CHORDC1: variants seen among roughly 807,000 people sequenced by gnomAD.
CHORDC1 encodes the protein cysteine and histidine-rich domain-containing protein 1.
Under a neutral mutation model 48.3 loss-of-function variants are expected in CHORDC1, and 25 were observed. The observed-to-expected ratio is 0.52, with a 90% CI of 0.38 to 0.72. The LOEUF is 0.72. Among genes scored for constraint, CHORDC1 ranks in the 30% least tolerant of loss-of-function variants. CHORDC1 has a pLI of 0.00. For synonymous variants in CHORDC1, 128 were observed against 126.4 expected, an observed-to-expected ratio of 1.01 and a Z score of -0.09; for missense variants, 317 against 388.7, an observed-to-expected ratio of 0.82 and a Z score of 1.55.
At position 90,202,223 on chromosome 11, in the gene CHORDC1, C is replaced by G. The variant is rs769959005; in HGVS notation, c.*182G>C. 2 of 597,306 alleles carry G rather than the reference C, an allele frequency of 3.3e-6. No homozygotes were observed. Among genetic ancestry groups the G allele is most frequent in the Non-Finnish European group, 5.9e-6 (2 of 338,094 alleles). The allele number at this position is 597,306 out of a possible 1,614,324, so 37.0% of individuals were successfully genotyped here. A position where few individuals can be genotyped will look rare whatever the true frequency, so the allele number is the denominator to read the frequency against. On this transcript the variant is annotated 3_prime_UTR_variant, in exon 11 of 11. Transcript: ENST00000320585. ...AATGAATAATCAATCTTACATAACA[C>G]AAAAGAAAGATGAGAGGCACAAAAA...
chr11:90,202,726 C>G (rs1857572771), intron 10 of CHORDC1, 87 bp downstream of exon 10: 5 of 1,446,490 alleles, frequency 3.5e-6, no homozygotes, highest in Non-Finnish European at 4.7e-6. Context: ...CTATACTTTG[C>G]ATCAATGTTT....
chr11:90,210,935 A>G, intron 5 of CHORDC1: 1 of 305,834 alleles, frequency 3.3e-6, no homozygotes, highest in South Asian at 7.2e-5. Context: ...AAAACATTTT[A>G]AAATATCAAA....
chr11:90,218,302 A>T, intron 1 of CHORDC1, 118 bp from the exon 2 acceptor site: 2 of 653,192 alleles, frequency 3.1e-6, no homozygotes, highest in Non-Finnish European at 5.1e-6. Context: ...AAGTACCTTA[A>T]AAAGGTACAA....
chr11:90,222,692 G>C (rs1264566506), intron 1 of CHORDC1, 199 bp downstream of exon 1: 14 of 701,600 alleles, frequency 2.0e-5, no homozygotes, highest in Admixed American at 8.1e-5. Flanking sequence ...CGCCGGGGCC[G>C]GGCGCTCGCC....
At chr11:90,217,967 CT>C in intron 2 of CHORDC1, 167 bp downstream of exon 2, 1 of 406,920 alleles carries the variant, frequency 2.5e-6, no homozygotes, top group Non-Finnish European at 4.5e-6. Context: ...TCATCATCTA[CT>C]GTCTTTTCTT....
Position 90,223,037 on chromosome 11 carries a change from C to A in CHORDC1, c.-83G>T. 2 of 1,239,084 alleles carry A rather than the reference C, an allele frequency of 1.6e-6. 1 individual carries two copies. The highest frequency in any genetic ancestry group is 2.3e-6 in the Non-Finnish European group (2 of 856,160). 76.8% of individuals were successfully genotyped at this position (1,239,084 alleles called of 1,614,324 possible). On this transcript the variant is annotated 5_prime_UTR_variant, in exon 1 of 11. Coordinates refer to ENST00000320585, the MANE Select transcript of CHORDC1 (RefSeq NM_012124.3). ...TTTGCCACTCCCGTGTCGCTAGCACCGGTCTGACGACTGAGGCGGCTACCG... is the reference window on the plus strand; with the variant it reads ...TTTGCCACTCCCGTGTCGCTAGCACAGGTCTGACGACTGAGGCGGCTACCG...
At chr11:90,205,275 T>C (rs1857648410) in intron 8 of CHORDC1, among the ~76,000 whole-genome samples, 185 bp downstream of exon 8, 1 of 152,188 alleles carries the variant, frequency 6.6e-6, no homozygotes, top group South Asian at 2.1e-4. Context: ...AATGGCTATT[T>C]TGCTCAAAAG....
chr11:90,208,489 T>C (rs1349933146), intron 6 of CHORDC1: 1 of 152,092 alleles, frequency 6.6e-6, no homozygotes. Context: ...AAGGACAATA[T>C]AAAGTAGAAA....
rs757784665 is a variant in CHORDC1, at chr11:90,222,935, T to C, written c.20A>G (p.Asn7Ser). Residue 7 changes from asparagine to serine, a missense_variant, in exon 1 of 11, where the codon AAC becomes AGC. Asn to Ser is a conservative substitution (Grantham distance 46, BLOSUM62 1). Transcript: ENST00000320585. Reference sequence around the variant, plus strand: ...ATCGAAGCGCTGACCGCAGCCCCGGTTGTAGCACAGCAAGGCCATTTTCTT... The same window carrying C: ...ATCGAAGCGCTGACCGCAGCCCCGGCTGTAGCACAGCAAGGCCATTTTCTT... MALLCY[N>S]RGCGQRFDPE... 11 of 1,614,082 alleles carry C rather than the reference T, an allele frequency of 6.8e-6. No individual in the cohort carries two copies. The highest frequency in any genetic ancestry group is 9.3e-6 in the Non-Finnish European group (11 of 1,179,962).
intron 1 of CHORDC1, 106 bp from the exon 2 acceptor site, chr11:90,218,290 G>C (rs931886312): frequency 1.9e-4 from 141 of 737,668 alleles, no homozygotes; most frequent in Admixed American, 4.4e-4. Context: ...TTTTCCAAAC[G>C]CAAGTACCTT....
In CHORDC1 at chr11:90,202,447, T is replaced by A. The variant is rs763934527; in HGVS notation, c.957A>T (p.Ala319=). ...PMQWASLELP[A]AKKQEKQKDA... is the part of the protein sequence containing the mutation. ...CTTTTTGTTTTTCCTGCTTTTTAGC[T>A]GCAGGCAGTTCAAGGCTTGCCCACT... The change falls in exon 11 of 11, where the codon GCA becomes GCT. Residue 319 remains alanine, a synonymous_variant. Transcript: ENST00000320585. The A allele has an allele frequency of 3.8e-5, 62 of 1,611,918 alleles. No individual in the cohort carries two copies. The highest frequency in any genetic ancestry group is 5.2e-5 in the Non-Finnish European group (61 of 1,179,644).
rs967355494 is a variant in CHORDC1 at position 90,201,389 on chromosome 11, T to C, written c.*1016A>G. 1 of 151,884 alleles carries C rather than the reference T, an allele frequency of 6.6e-6. No individual in the cohort carries two copies. Among genetic ancestry groups the C allele is most frequent in the African/African-American group, 2.4e-5 (1 of 41,406 alleles). The allele number at this position is 151,884 out of a possible 1,614,324, so 9.4% of individuals were successfully genotyped here. A position where few individuals can be genotyped will look rare whatever the true frequency, so the allele number is the denominator to read the frequency against. On this transcript the variant is annotated 3_prime_UTR_variant, in exon 11 of 11. Transcript: ENST00000320585. ...TATATTTAATATAAAGTACAATATATAGTCAACATTGTATCACTAGAATTG... is the reference window on the plus strand; with the variant it reads ...TATATTTAATATAAAGTACAATATACAGTCAACATTGTATCACTAGAATTG...
At chr11:90,206,591 A>G (rs376357223) in intron 6 of CHORDC1, 8 of 359,320 alleles carry the variant, frequency 2.2e-5, no homozygotes, top group African/African-American at 1.3e-4. Flanking sequence ...CAAGGGATTA[A>G]TACTCTCAAT....
At chr11:90,208,826 A>C (rs1252072400) in intron 6 of CHORDC1, 2 of 152,184 alleles carry the variant, frequency 1.3e-5, no homozygotes, top group African/African-American at 4.8e-5. Flanking sequence ...TATTTCAATG[A>C]AAAAGACTAA....
chr11:90,223,042 T>C lies in CHORDC1; in HGVS notation c.-88A>G. 8.5e-7 allele frequency: 1 copy of C among 1,171,664 alleles called. No homozygotes were observed. The allele number at this position is 1,171,664 out of a possible 1,614,324, so 72.6% of individuals were successfully genotyped here. On this transcript the variant is annotated 5_prime_UTR_variant, in exon 1 of 11. Coordinates refer to ENST00000320585, the MANE Select transcript of CHORDC1 (RefSeq NM_012124.3). ...CACTCCCGTGTCGCTAGCACCGGTC[T>C]GACGACTGAGGCGGCTACCGGCTTC... is the stretch of plus-strand genomic sequence containing the variant.
At chr11:90,222,537 T>G (rs1024713666) in intron 1 of CHORDC1, 2 of 482,930 alleles carry the variant, frequency 4.1e-6, no homozygotes, top group African/African-American at 4.0e-5. Context: ...ACCTCGTTAA[T>G]TTTTGCTTCC....
chr11:90,201,157 T>TA lies in CHORDC1; in HGVS notation c.*1247dup. ...TAGTACTTCTGCAAATTTTTCTTTG[T>TA]AAGAATTCCATAAATACCAAGGAAA... On this transcript the variant is annotated 3_prime_UTR_variant, in exon 11 of 11. Transcript: ENST00000320585. The TA allele has an allele frequency of 6.6e-6, 1 of 151,992 alleles. No homozygotes were observed. Among genetic ancestry groups the TA allele is most frequent in the Non-Finnish European group, 1.5e-5 (1 of 67,868 alleles). 9.4% of individuals were successfully genotyped at this position (151,992 alleles called of 1,614,324 possible). A position where few individuals can be genotyped will look rare whatever the true frequency, so the allele number is the denominator to read the frequency against.
chr11:90,214,141 G>A lies in CHORDC1; in HGVS notation c.206C>T (p.Pro69Leu), dbSNP rs1332289849. The change falls in exon 4 of 11, where the codon CCA (proline) becomes CTA (leucine). Residue 69 changes from proline (P) to leucine (L), a missense_variant. Transcript: ENST00000320585. ...CTKGRHNSEK[P>L]PEPVKPEVKT... ...GACTTCAGGTTTGACTGGCTCAGGT[G>A]GCTTCTCACTATTATGTCTACCTTT... 6.2e-7 allele frequency: 1 copy of A among 1,613,138 alleles called. No homozygotes were observed. Among genetic ancestry groups the A allele is most frequent in the Admixed American group, 1.7e-5 (1 of 59,964 alleles).
At chr11:90,217,411 C>G (rs1349212114) in intron 2 of CHORDC1, among the ~76,000 whole-genome samples, 1 of 152,048 alleles carries the variant, frequency 6.6e-6, no homozygotes, top group African/African-American at 2.4e-5. Flanking sequence ...CAGCAAAAAC[C>G]TAGTCAAACA....
Sources: gnomAD v4.1 joint callset for allele counts (sites outside exome capture counted in the v4.1 genomes callset) on GRCh38, gnomAD v4.1.1 for gene constraint, MANE v1.5 for transcripts, NCBI Gene and HGNC (gene_info 2026-07-23, HGNC 2026-07-21) for gene names.